The following ZNF93 variants were observed in gnomAD, a reference collection of about 807,000 sequenced individuals.
ZNF93 encodes the protein zinc finger protein 93.
Under a neutral mutation model 45.0 loss-of-function variants are expected in ZNF93, and 29 were observed. The ratio of observed to expected loss-of-function variants is 0.64; its 90% confidence interval spans 0.48 to 0.88. ZNF93 has a LOEUF of 0.88. Ranked by LOEUF, ZNF93 falls within the 40% of genes least tolerant of loss-of-function variation. The pLI, the probability that ZNF93 is intolerant of heterozygous loss-of-function variation, is 0.00. For missense variants in ZNF93, 578 were observed against 724.0 expected, an observed-to-expected ratio of 0.80 and a Z score of 2.31; for synonymous variants, 223 against 244.6, an observed-to-expected ratio of 0.91 and a Z score of 0.82.
chr19:19,924,631 C>T (rs28695518), intron 3 of ZNF93, among the ~76,000 whole-genome samples: 15,350 of 150,572 alleles, frequency 0.1, 1,514 homozygotes, highest in African/African-American at 0.26. Flanking sequence ...ATTCCTGTTG[C>T]CCAGGCTGAA....
At chr19:19,924,758 T>C (rs1348533603) in intron 3 of ZNF93, among the ~76,000 whole-genome samples, 1 of 151,602 alleles carries the variant, frequency 6.6e-6, no homozygotes, top group East Asian at 1.9e-4. Context: ...ACCCGGGTGA[T>C]TTTGTATTTT....
At chr19:19,933,054 T>A in intron 3 of ZNF93, 128 bp from the exon 4 acceptor site, 1 of 743,708 alleles carries the variant, frequency 1.3e-6, no homozygotes, top group Non-Finnish European at 2.0e-6. Flanking sequence ...CAGGAAGACA[T>A]TACAGCTTGT....
intron 3 of ZNF93, among the ~76,000 whole-genome samples, chr19:19,922,900 G>T (rs2063345916): frequency 6.6e-6 from 1 of 152,154 alleles, no homozygotes; most frequent in Non-Finnish European, 1.5e-5. Context: ...CCTTTAGCTT[G>T]GAGAAGTTTG....
intron 3 of ZNF93, chr19:19,932,244 T>A (rs886107326): frequency 3.8e-5 from 6 of 156,002 alleles, no homozygotes; most frequent in Admixed American, 2.6e-4. Flanking sequence ...CATCTCAAAA[T>A]ATATATATAT....
rs150239312 is a variant in ZNF93, at chr19:19,934,460, T to C, written c.1505T>C (p.Ile502Thr). Residue 502 changes from isoleucine to threonine, a missense_variant, in exon 4 of 4, where the codon ATT becomes ACT. Ile to Thr is a moderately conservative substitution (Grantham distance 89). Around this residue, in one of 3 missense-constraint regions of ZNF93, gnomAD observed 13 missense variants for 53.3 expected, o/e 0.24. Transcript: ENST00000343769. Reference sequence around the variant, plus strand: ...TCTTCCCTTACTAAACATAAGAAAATTCATACTGGAGAGAAACCCTACAAA... The same window carrying C: ...TCTTCCCTTACTAAACATAAGAAAACTCATACTGGAGAGAAACCCTACAAA... ...QSSSLTKHKK[I>T]HTGEKPYKCE... is the part of the protein sequence containing the mutation. The C allele has an allele frequency of 6.2e-7, 1 of 1,610,602 alleles. No individual in the cohort carries two copies. The highest frequency in any genetic ancestry group is 1.7e-5 in the Admixed American group (1 of 59,812).
intron 3 of ZNF93, among the ~76,000 whole-genome samples, chr19:19,925,429 T>C (rs1568511828): frequency 6.6e-6 from 1 of 152,314 alleles, no homozygotes; most frequent in African/African-American, 2.4e-5. Context: ...AAGGCATGTT[T>C]GTCAAGGATG....
Position 19,934,620 on chromosome 19 carries a change from T to C in ZNF93, c.1665T>C (p.His555=), listed in dbSNP as rs1297449971. ...AFHLSTHLTT[H]KILHTGEKPY... Reference sequence around the variant, plus strand: ...ACCTATCCACACACCTTACTACACATAAGATACTTCATACTGGAGAGAAAC... The same window carrying C: ...ACCTATCCACACACCTTACTACACACAAGATACTTCATACTGGAGAGAAAC... Residue 555 remains histidine (H), a synonymous_variant, in exon 4 of 4, where the codon CAT becomes CAC. Coordinates refer to ENST00000343769, the MANE Select transcript of ZNF93 (RefSeq NM_031218.4). 3 of 1,613,700 alleles carry C rather than the reference T, an allele frequency of 1.9e-6. No homozygotes were observed. Among genetic ancestry groups the C allele is most frequent in the African/African-American group, 1.3e-5 (1 of 74,902 alleles).
intron 3 of ZNF93, among the ~76,000 whole-genome samples, chr19:19,921,281 G>A (rs2063341882): frequency 6.6e-6 from 1 of 152,186 alleles, no homozygotes; most frequent in South Asian, 2.1e-4. Context: ...CTGAGTTCTA[G>A]TTTGATTGCA....
intron 3 of ZNF93, among the ~76,000 whole-genome samples, chr19:19,917,383 A>G (rs990296053): frequency 6.6e-6 from 1 of 151,742 alleles, no homozygotes; most frequent in African/African-American, 2.4e-5. Flanking sequence ...TGGATCTTCT[A>G]ATTTTTTTAT....
At chr19:19,917,686 T>G (rs2063328529) in intron 3 of ZNF93, among the ~76,000 whole-genome samples, 1 of 152,134 alleles carries the variant, frequency 6.6e-6, no homozygotes. Context: ...CTGGCTAATT[T>G]TGTATTTTTA....
chr19:19,934,066 T>G lies in ZNF93; in HGVS notation c.1111T>G (p.Cys371Gly). 6.2e-7 allele frequency: 1 copy of G among 1,612,838 alleles called. No individual in the cohort carries two copies. Among genetic ancestry groups the G allele is most frequent in the Non-Finnish European group, 8.5e-7 (1 of 1,179,520 alleles). Residue 371 changes from cysteine (C) to glycine (G), a missense_variant, in exon 4 of 4, where the codon TGT (cysteine) becomes GGT (glycine). Transcript: ENST00000343769. ...TCATATGGGAAAGAAACATTACAAA[T>G]GTGAAGAATGTGGCAAAGCCTTCAT... ...FIHMGKKHYK[C>G]EECGKAFIWS...
intron 1 of ZNF93, among the ~76,000 whole-genome samples, chr19:19,906,232 C>G (rs2063292485): frequency 6.6e-6 from 1 of 152,142 alleles, no homozygotes; most frequent in South Asian, 2.1e-4. Context: ...GCCATTCTGA[C>G]TGGTGTGCGG....
chr19:19,920,780 G>C (rs1303224654), intron 3 of ZNF93, among the ~76,000 whole-genome samples: 3 of 152,176 alleles, frequency 2.0e-5, no homozygotes, highest in East Asian at 1.9e-4. Context: ...TCTGTGGGAT[G>C]GGTGGTGATA....
intron 3 of ZNF93, among the ~76,000 whole-genome samples, chr19:19,924,379 C>G (rs555339653): frequency 5.3e-5 from 8 of 152,208 alleles, no homozygotes; most frequent in Non-Finnish European, 1.0e-4. Context: ...CCGTGAGCCA[C>G]CGCACCCAGC....
chr19:19,910,247 G>GC (rs1398053194), intron 1 of ZNF93, among the ~76,000 whole-genome samples: 2 of 152,066 alleles, frequency 1.3e-5, no homozygotes, highest in Non-Finnish European at 2.9e-5. Flanking sequence ...CCTAAGAAAT[G>GC]CAAGTCCCTT....
intron 1 of ZNF93, among the ~76,000 whole-genome samples, chr19:19,912,845 G>A (rs1045507187): frequency 3.3e-5 from 5 of 152,298 alleles, no homozygotes; most frequent in African/African-American, 4.8e-5. Flanking sequence ...GCCCAGCACC[G>A]TGCTCTGTAT....
intron 3 of ZNF93, among the ~76,000 whole-genome samples, chr19:19,917,476 A>G (rs2063327906): frequency 1.3e-5 from 2 of 151,484 alleles, no homozygotes; most frequent in Admixed American, 6.6e-5. Context: ...TTCTTCCTCT[A>G]TTTTGTCAAA....
chr19:19,915,192 C>A, intron 1 of ZNF93, 88 bp from the exon 2 acceptor site: 4 of 1,605,462 alleles, frequency 2.5e-6, no homozygotes, highest in Non-Finnish European at 3.4e-6. Flanking sequence ...GTCAGAACCA[C>A]TTCTCTTTAC....
intron 1 of ZNF93, 122 bp downstream of exon 1, chr19:19,901,213 GC>G: frequency 6.6e-7 from 1 of 1,503,854 alleles, no homozygotes; most frequent in Admixed American, 1.7e-5. Flanking sequence ...CGGAGTTCTT[GC>G]CCAGCTCGGC....
Sources: gnomAD v4.1 joint callset for allele counts (sites outside exome capture counted in the v4.1 genomes callset) on GRCh38, gnomAD v4.1.1 for gene constraint, gnomAD v4.1.1 regional missense constraint, MANE v1.5 for transcripts, NCBI Gene and HGNC (gene_info 2026-07-23, HGNC 2026-07-21) for gene names.